SLFN14: variants seen among roughly 807,000 people sequenced by gnomAD.
SLFN14 encodes the protein protein SLFN14.
Under a neutral mutation model 58.6 loss-of-function variants are expected in SLFN14, and 47 were observed. The ratio of observed to expected loss-of-function variants is 0.80; its 90% CI spans 0.64 to 1.02. The LOEUF is 1.02. Ranked by LOEUF, SLFN14 falls within the 50% of genes least tolerant of loss-of-function variation. SLFN14 has a pLI of 0.00. For synonymous variants in SLFN14, 390 were observed against 387.3 expected, an observed-to-expected ratio of 1.01 and a Z score of -0.08; for missense variants, 967 against 1,078.4, an observed-to-expected ratio of 0.90 and a Z score of 1.45.
At position 35,549,076 on chromosome 17, in the gene SLFN14, G is replaced by A; in HGVS notation, c.1905-3C>T. 1 of 1,550,142 alleles carries A rather than the reference G, an allele frequency of 6.5e-7. No homozygotes were observed. The highest frequency in any genetic ancestry group is 8.7e-7 in the Non-Finnish European group (1 of 1,146,286). On this transcript the variant is annotated splice_polypyrimidine_tract_variant and splice_region_variant and intron_variant, in intron 5 of 5. Coordinates refer to ENST00000674182, the MANE Select transcript of SLFN14 (RefSeq NM_001129820.2). The stretch of plus-strand genomic sequence containing the variant: ...CAGCTTGGCAGGTGGTTTGTTGGCT[G>A]TAAGGACGGAAAAAACAGGGCTTGA...
rs1257481228 is a variant in SLFN14, at chr17:35,548,578, T to C, written c.2400A>G (p.Arg800=). The C allele has an allele frequency of 6.4e-7, 1 of 1,551,652 alleles. No homozygotes were observed. The change falls in exon 6 of 6, where the codon AGA becomes AGG. Residue 800 remains arginine, a synonymous_variant. Coordinates refer to ENST00000674182, the MANE Select transcript of SLFN14 (RefSeq NM_001129820.2). ...CACACTGGAACAGGCTGTGACATTT[T>C]CTTGCCACATAGTTAGCTATTTGTT... The part of the protein sequence containing the change: ...TTEQIANYVA[R]KCHSLFQCGY...
Position 35,557,725 on chromosome 17 carries a change from C to T in SLFN14, c.338G>A (p.Ser113Asn), listed in dbSNP as rs2072667450. 1.9e-6 allele frequency: 3 copies of T among 1,551,668 alleles called. No individual in the cohort carries two copies. Among genetic ancestry groups the T allele is most frequent in the Non-Finnish European group, 1.7e-6 (2 of 1,146,968 alleles). Reference protein sequence around the residue: ...HNLLIFVKSWSPDVFSLPLRI... With the variant: ...HNLLIFVKSWNPDVFSLPLRI... ...TAGTGGAAGGCTGAAAACATCTGGG[C>T]TCCATGACTTCACAAAAATCAGGAG... is the stretch of plus-strand genomic sequence containing the variant. The change falls in exon 3 of 6, where the codon AGC (serine) becomes AAC (asparagine). Residue 113 changes from serine to asparagine, a missense_variant. Transcript: ENST00000674182.
At position 35,547,081 on chromosome 17, in the gene SLFN14, G is replaced by A. The variant is rs375123659; in HGVS notation, c.*1158C>T. On this transcript the variant is annotated 3_prime_UTR_variant, in exon 6 of 6. Transcript: ENST00000674182. ...CTACATGAATGTATTCACATACATAGAGGATAAATGTAGGCAAAATTTGTA... is the reference window on the plus strand; with the variant it reads ...CTACATGAATGTATTCACATACATAAAGGATAAATGTAGGCAAAATTTGTA... Among the ~76,000 whole-genome samples, 2 of 152,164 alleles carry A rather than the reference G, an allele frequency of 1.3e-5. No homozygotes were observed. The highest frequency in any genetic ancestry group is 3.9e-4 in the East Asian group (2 of 5,190).
In SLFN14 at chr17:35,557,959, C is replaced by T; in HGVS notation, c.104G>A (p.Ser35Asn). ...AGAATTCTCAGATCTTTTCAAACAG[C>T]TGTTGGTCATCTTCTTCCTGTTTTC... The part of the protein sequence containing the change: ...GEENRKKMTN[S>N]CLKRSENSRI... The change falls in exon 3 of 6, where the codon AGC (serine) becomes AAC (asparagine). Residue 35 changes from serine (S) to asparagine (N), a missense_variant. Coordinates refer to ENST00000674182, the MANE Select transcript of SLFN14 (RefSeq NM_001129820.2). 1.3e-6 allele frequency: 2 copies of T among 1,551,656 alleles called. No homozygotes were observed. The highest frequency in any genetic ancestry group is 1.7e-6 in the Non-Finnish European group (2 of 1,146,984).
intron 2 of SLFN14, among the ~76,000 whole-genome samples, 183 bp downstream of exon 2, chr17:35,559,544 A>C (rs532656809): frequency 3.3e-5 from 5 of 152,322 alleles, no homozygotes; most frequent in African/African-American, 1.2e-4. Context: ...ACCAGAAAAC[A>C]GCCACCTAAA....
chr17:35,551,926 T>C (rs1258952222), intron 5 of SLFN14, among the ~76,000 whole-genome samples: 1 of 152,250 alleles, frequency 6.6e-6, no homozygotes, highest in Non-Finnish European at 1.5e-5. Context: ...GCAGCTATAA[T>C]ATTGTTACTC....
Position 35,552,743 on chromosome 17 carries a change from T to G in SLFN14, c.1891A>C (p.Lys631Gln), listed in dbSNP as rs751565713. ...ILYVCESDSL[K>Q]DFVTQQTTCQ... ...TAAAACTCTTACGTCACAAAATCCT[T>G]TAGGGAGTCGCTTTCACAAACATAG... Residue 631 changes from lysine (K) to glutamine (Q), a missense_variant, in exon 5 of 6, where the codon AAG (lysine) becomes CAG (glutamine). Coordinates refer to ENST00000674182, the MANE Select transcript of SLFN14 (RefSeq NM_001129820.2). The G allele has an allele frequency of 1.3e-6, 2 of 1,548,486 alleles. No homozygotes were observed. Among genetic ancestry groups the G allele is most frequent in the South Asian group, 2.4e-5 (2 of 83,556 alleles).
chr17:35,555,762 G>C (rs1268233980), intron 3 of SLFN14, among the ~76,000 whole-genome samples: 1 of 152,066 alleles, frequency 6.6e-6, no homozygotes, highest in East Asian at 1.9e-4. Context: ...GGCGTAGTTC[G>C]GCCTATAGTC....
Position 35,545,100 on chromosome 17 carries a change from T to G in SLFN14, c.*3139A>C, listed in dbSNP as rs2072524649. On this transcript the variant is annotated 3_prime_UTR_variant, in exon 6 of 6. Transcript: ENST00000674182. ...ATTTGAATCTAATGAACTATCATCA[T>G]AGATCCTTAATTTGACCTGTTGCCT... 6.6e-6 allele frequency among the ~76,000 whole-genome samples: 1 copy of G among 152,230 alleles called. No homozygotes were observed. The highest frequency in any genetic ancestry group is 6.5e-5 in the Admixed American group (1 of 15,284).
Position 35,548,871 on chromosome 17 carries a change from G to A in SLFN14, c.2107C>T (p.Leu703Phe), listed in dbSNP as rs1371410709. ...GCGTGATGGATTTGAAAAGGGTCAA[G>A]AAAAAGCCAGAGAATCCCATGGTGA... ...NLHHGILWLFLDPFQIHHADV... is the reference protein window; with the variant it reads ...NLHHGILWLFFDPFQIHHADV... Residue 703 changes from leucine (L) to phenylalanine (F), a missense_variant, in exon 6 of 6, where the codon CTT (leucine) becomes TTT (phenylalanine). Coordinates refer to ENST00000674182, the MANE Select transcript of SLFN14 (RefSeq NM_001129820.2). The A allele has an allele frequency of 1.0e-5, 16 of 1,551,614 alleles. No individual in the cohort carries two copies. Among genetic ancestry groups the A allele is most frequent in the Non-Finnish European group, 1.4e-5 (16 of 1,147,002 alleles).
Position 35,553,163 on chromosome 17 carries a change from G to A in SLFN14, c.1471C>T (p.Gln491Ter), listed in dbSNP as rs569712196. ...GLEYARNTAH[Q>*]LKQKLQTVGG... The stretch of plus-strand genomic sequence containing the variant: ...ACAGTTTGCAGTTTCTGCTTTAACT[G>A]ATGAGCTGTGTTTCGGGCATATTCA... The change falls in exon 5 of 6, where the codon CAG becomes TAG. Residue 491 changes from glutamine (Q) to a stop codon, truncating the protein, a stop_gained. Coordinates refer to ENST00000674182, the MANE Select transcript of SLFN14 (RefSeq NM_001129820.2). LOFTEE classifies it high-confidence loss of function. 1 of 1,551,666 alleles carries A rather than the reference G, an allele frequency of 6.4e-7. No individual in the cohort carries two copies. The highest frequency in any genetic ancestry group is 1.4e-5 in the African/African-American group (1 of 73,150).
intron 5 of SLFN14, among the ~76,000 whole-genome samples, chr17:35,550,663 T>A (rs2072577845): frequency 6.6e-6 from 1 of 152,230 alleles, no homozygotes. Flanking sequence ...ACACTAAATG[T>A]AGCACAGTAG....
Position 35,546,473 on chromosome 17 carries a change from G to T in SLFN14, c.*1766C>A, listed in dbSNP as rs1170107148. Among the ~76,000 whole-genome samples the T allele has an allele frequency of 6.6e-6, 1 of 152,196 alleles. No individual in the cohort carries two copies. Among genetic ancestry groups the T allele is most frequent in the African/African-American group, 2.4e-5 (1 of 41,438 alleles). The stretch of plus-strand genomic sequence containing the variant: ...TGCCTGCTCTTCCACCTCTTGGAAG[G>T]CTGAGGGGCTTTATCTAAAATCATA... On this transcript the variant is annotated 3_prime_UTR_variant, in exon 6 of 6. Coordinates refer to ENST00000674182, the MANE Select transcript of SLFN14 (RefSeq NM_001129820.2).
At chr17:35,556,909 A>G (rs1472954343) in intron 3 of SLFN14, 94 bp downstream of exon 3, 3 of 1,188,646 alleles carry the variant, frequency 2.5e-6, no homozygotes, top group Non-Finnish European at 3.4e-6. Context: ...ATAAATTTCT[A>G]TTTTTTAACT....
At position 35,547,789 on chromosome 17, in the gene SLFN14, T is replaced by A. The variant is rs1395518983; in HGVS notation, c.*450A>T. On this transcript the variant is annotated 3_prime_UTR_variant, in exon 6 of 6. Transcript: ENST00000674182. ...AAAAATTATGCCAGGTGGGCTGGGG[T>A]GCATGAGAAACATGGGGAGATGGAG... 2.0e-5 allele frequency among the ~76,000 whole-genome samples: 3 copies of A among 152,030 alleles called. No homozygotes were observed. Among genetic ancestry groups the A allele is most frequent in the Non-Finnish European group, 4.4e-5 (3 of 68,000 alleles).
intron 2 of SLFN14, among the ~76,000 whole-genome samples, chr17:35,559,456 A>G (rs1412902030): frequency 1.3e-5 from 2 of 151,790 alleles, no homozygotes; most frequent in Admixed American, 1.3e-4. Flanking sequence ...TGCTGTGGAA[A>G]CCCCTAAGAC....
rs1191774733 is a variant in SLFN14, at chr17:35,547,431, C to T, written c.*808G>A. Among the ~76,000 whole-genome samples the T allele has an allele frequency of 6.6e-6, 1 of 152,090 alleles. No homozygotes were observed. The highest frequency in any genetic ancestry group is 6.5e-5 in the Admixed American group (1 of 15,270). On this transcript the variant is annotated 3_prime_UTR_variant, in exon 6 of 6. Coordinates refer to ENST00000674182, the MANE Select transcript of SLFN14 (RefSeq NM_001129820.2). Reference sequence around the variant, plus strand: ...ATTTTTAAGATTTGAATCAAATTACCAGCTTCCCTTACTGTAAGGCTATGT... The same window carrying T: ...ATTTTTAAGATTTGAATCAAATTACTAGCTTCCCTTACTGTAAGGCTATGT...
intron 3 of SLFN14, among the ~76,000 whole-genome samples, chr17:35,555,155 G>C (rs2072639124): frequency 6.6e-6 from 1 of 151,962 alleles, no homozygotes; most frequent in Admixed American, 6.6e-5. Context: ...GGCGGATCAC[G>C]AGGTCAGGAG....
intron 1 of SLFN14, among the ~76,000 whole-genome samples, 84 bp downstream of exon 1, chr17:35,560,683 C>G (rs936798644): frequency 4.6e-5 from 7 of 151,918 alleles, no homozygotes; most frequent in Admixed American, 6.6e-5. Context: ...TACTATTTTA[C>G]TAATCCCTCA....
Sources: allele counts gnomAD v4.1 joint callset (sites outside exome capture counted in the v4.1 genomes callset), GRCh38; gene constraint gnomAD v4.1.1; transcripts MANE v1.5; gene names NCBI Gene and HGNC (gene_info 2026-07-23, HGNC 2026-07-21).